SLC45A4: variants seen among roughly 807,000 people sequenced by gnomAD.
The protein encoded by SLC45A4 is polyamine-transporter SLC45A4.
Under a neutral mutation model 63.7 loss-of-function variants are expected in SLC45A4, and 32 were observed. The ratio of observed to expected loss-of-function variants is 0.50; its 90% confidence interval spans 0.38 to 0.67. SLC45A4 has a LOEUF of 0.67. Among genes scored for constraint, SLC45A4 ranks in the 30% least tolerant of loss-of-function variants. SLC45A4 has a pLI of 0.00. For synonymous variants in SLC45A4, 535 were observed against 510.0 expected, an observed-to-expected ratio of 1.05 and a Z score of -0.66; for missense variants, 1,027 against 1,157.7, an observed-to-expected ratio of 0.89 and a Z score of 1.64.
chr8:141,307,116 C>G (rs887247825), intron 1 of SLC45A4, among the ~76,000 whole-genome samples: 1 of 152,192 alleles, frequency 6.6e-6, no homozygotes, highest in Non-Finnish European at 1.5e-5. Context: ...CCCCCGCCTT[C>G]TAGAATCATT....
rs140388989 is a variant in SLC45A4, at chr8:141,234,320, A to G, written c.242-12555T>C. ...CTTTCCCTTTGGAGCCCTGGTTTCT[A>G]GAGACAGAGGCCACCTCCTCGTGGG... is the stretch of plus-strand genomic sequence containing the variant. On this transcript the variant is annotated intron_variant, in intron 2 of 8. Transcript: ENST00000517878. 1.8e-4 allele frequency among the ~76,000 whole-genome samples: 27 copies of G among 152,330 alleles called. No homozygotes were observed. The East Asian group carries it at 2.7e-3, about 15-fold the overall frequency.
intron 3 of SLC45A4, 148 bp downstream of exon 3, chr8:141,221,429 C>T (rs1826622885): frequency 7.0e-6 from 7 of 996,462 alleles, no homozygotes; most frequent in Non-Finnish European, 1.0e-5. Flanking sequence ...CAGGGGTGGT[C>T]ACCGCCAGGG....
intron 1 of SLC45A4, among the ~76,000 whole-genome samples, chr8:141,301,446 G>A (rs1830739421): frequency 6.6e-6 from 1 of 152,064 alleles, no homozygotes; most frequent in Admixed American, 6.6e-5. Flanking sequence ...AGAGAAGTAT[G>A]GAGAACAGTC....
chr8:141,256,832 ATTTTTTC>A lies in SLC45A4; in HGVS notation c.-400-2210_-400-2204del. 1 of 321,814 alleles carries A rather than the reference ATTTTTTC, an allele frequency of 3.1e-6. No homozygotes were observed. The highest frequency in any genetic ancestry group is 6.2e-6 in the Non-Finnish European group (1 of 160,308). The allele number at this position is 321,814 out of a possible 1,614,324, so 19.9% of individuals were successfully genotyped here. ...TTCCAAACTGTCACCTTACTGCAATATTTTTTCAAAAAACTGTGTAATGAAACTTTTT... is the reference window on the plus strand; with the variant it reads ...TTCCAAACTGTCACCTTACTGCAATAAAAAAACTGTGTAATGAAACTTTTT... On this transcript the variant is annotated intron_variant, in intron 1 of 8. Transcript: ENST00000517878. This position sits in a 1 kb window ranked among gnomAD's most constrained non-coding sequence, Gnocchi z 4.3.
intron 1 of SLC45A4, among the ~76,000 whole-genome samples, chr8:141,300,052 T>C (rs1830691917): frequency 6.6e-6 from 1 of 152,180 alleles, no homozygotes; most frequent in Non-Finnish European, 1.5e-5. Flanking sequence ...ATGAAGGCAC[T>C]GGCCCCATGA....
At chr8:141,247,065 A>G (rs1183120502) in intron 2 of SLC45A4, among the ~76,000 whole-genome samples, 1 of 152,244 alleles carries the variant, frequency 6.6e-6, no homozygotes, top group Non-Finnish European at 1.5e-5. Context: ...ACAACAGAGG[A>G]AAAAACCGAA....
chr8:141,242,496 A>G (rs1030315487), intron 2 of SLC45A4, among the ~76,000 whole-genome samples: 1 of 152,204 alleles, frequency 6.6e-6, no homozygotes, highest in African/African-American at 2.4e-5. Flanking sequence ...CCAGTATCAG[A>G]AAGAACACCA....
rs571236466 is a variant in SLC45A4 at position 141,218,134 on chromosome 8, C to T, written c.1506G>A (p.Leu502=). ...GCCGCATCAGCTCCCTGGGCATCTTCAGCATGGAGAGCCACAGCAGGCGCA... is the reference window on the plus strand; with the variant it reads ...GCCGCATCAGCTCCCTGGGCATCTTTAGCATGGAGAGCCACAGCAGGCGCA... The part of the protein sequence containing the change: ...TTVRLLWLSM[L]KMPRELMRLC... The change falls in exon 5 of 9, where the codon CTG becomes CTA. Residue 502 remains leucine (L), a synonymous_variant. Coordinates refer to ENST00000517878, the MANE Select transcript of SLC45A4 (RefSeq NM_001286646.2). 1,365 of 1,611,532 alleles carry T rather than the reference C, an allele frequency of 8.5e-4. 27 individuals carry two copies. In the South Asian group the frequency reaches 0.014, roughly 17 times the overall value.
Position 141,295,585 on chromosome 8 carries a change from C to T in SLC45A4, c.-401+12511G>A, listed in dbSNP as rs574411601. On this transcript the variant is annotated intron_variant, in intron 1 of 8. Transcript: ENST00000517878. Reference sequence around the variant, plus strand: ...CAAAGAAGCTGGTCTGGAACACCCACTTCCACAACACAGCACCCAGGGGGA... The same window carrying T: ...CAAAGAAGCTGGTCTGGAACACCCATTTCCACAACACAGCACCCAGGGGGA... Among the ~76,000 whole-genome samples the T allele has an allele frequency of 9.2e-5, 14 of 152,336 alleles. No homozygotes were observed. The South Asian group carries it at 2.7e-3, about 29-fold the overall frequency.
In SLC45A4 at chr8:141,256,814, CTG is replaced by C. The variant is rs1414644988; in HGVS notation, c.-400-2187_-400-2186del. On this transcript the variant is annotated intron_variant, in intron 1 of 8. Coordinates refer to ENST00000517878, the MANE Select transcript of SLC45A4 (RefSeq NM_001286646.2). The surrounding 1 kb of genome is among the most constrained non-coding windows in gnomAD (Gnocchi z 4.3). ...CTCAATTAAAACAAGAGTTTCCAAA[CTG>C]TCACCTTACTGCAATATTTTTTCAA... 2 of 343,840 alleles carry C rather than the reference CTG, an allele frequency of 5.8e-6. No individual in the cohort carries two copies. The highest frequency in any genetic ancestry group is 4.3e-5 in the African/African-American group (2 of 46,430). 21.3% of individuals were successfully genotyped at this position (343,840 alleles called of 1,614,324 possible).
At chr8:141,283,135 C>CA (rs1254279699) in intron 1 of SLC45A4, among the ~76,000 whole-genome samples, 1 of 152,274 alleles carries the variant, frequency 6.6e-6, no homozygotes, top group Non-Finnish European at 1.5e-5. Context: ...TTTGTCACAT[C>CA]ACTGCTTCTC....
rs370154722 is a variant in SLC45A4 at position 141,216,010 on chromosome 8, G to A, written c.1730-40C>T. On this transcript the variant is annotated intron_variant, in intron 6 of 8. Coordinates refer to ENST00000517878, the MANE Select transcript of SLC45A4 (RefSeq NM_001286646.2). ...ACAGGGACAAGGACAGTGGGCAGGC[G>A]GCTGGCTCCTGTCGGGCTCCCTCCA... 1.3e-4 allele frequency: 208 copies of A among 1,573,818 alleles called. 1 individual carries two copies. Among genetic ancestry groups the A allele is most frequent in the African/African-American group, 4.0e-5 (3 of 74,168 alleles).
chr8:141,277,180 A>G (rs1196798910), intron 1 of SLC45A4, among the ~76,000 whole-genome samples: 1 of 152,258 alleles, frequency 6.6e-6, no homozygotes, highest in Non-Finnish European at 1.5e-5. Flanking sequence ...ACATGTGGAC[A>G]GACATCGTTT....
At chr8:141,264,273 G>A (rs1829168487) in intron 1 of SLC45A4, among the ~76,000 whole-genome samples, 1 of 152,158 alleles carries the variant, frequency 6.6e-6, no homozygotes, top group Non-Finnish European at 1.5e-5. Flanking sequence ...CCCTCTGGGT[G>A]TTGCAGTATG....
At chr8:141,241,445 G>A (rs1322879964) in intron 2 of SLC45A4, among the ~76,000 whole-genome samples, 5 of 152,336 alleles carry the variant, frequency 3.3e-5, no homozygotes, top group East Asian at 1.9e-4. Flanking sequence ...AGGAGTGGAC[G>A]GAAACCTCGC....
intron 2 of SLC45A4, among the ~76,000 whole-genome samples, chr8:141,222,662 A>T (rs1237115080): frequency 6.6e-6 from 1 of 152,246 alleles, no homozygotes; most frequent in African/African-American, 2.4e-5. Flanking sequence ...GCACCACAGC[A>T]CGGGAACGAG....
chr8:141,221,784 C>T lies in SLC45A4; in HGVS notation c.242-19G>A. On this transcript the variant is annotated intron_variant, in intron 2 of 8. Transcript: ENST00000517878. ...GGAAGGCCTGCAAGGGACACGAGGGCCGTCGCACACGCAGGCACTGGCCGG... is the reference window on the plus strand; with the variant it reads ...GGAAGGCCTGCAAGGGACACGAGGGTCGTCGCACACGCAGGCACTGGCCGG... The T allele has an allele frequency of 6.2e-7, 1 of 1,605,866 alleles. No homozygotes were observed. The highest frequency in any genetic ancestry group is 1.1e-5 in the South Asian group (1 of 90,812).
chr8:141,211,093 C>T lies in SLC45A4; in HGVS notation c.*479G>A, dbSNP rs114912305. 4.1e-4 allele frequency: 87 copies of T among 210,248 alleles called. 2 individuals carry two copies. The highest frequency in any genetic ancestry group is 1.8e-3 in the African/African-American group (81 of 43,828). 13.0% of individuals were successfully genotyped at this position (210,248 alleles called of 1,614,324 possible). A position where few individuals can be genotyped will look rare whatever the true frequency, so the allele number is the denominator to read the frequency against. The stretch of plus-strand genomic sequence containing the variant: ...CAGGTTCCAGCACGCATGTCCCCTT[C>T]GCAAGCGGGGGAGGCCCTCGCACAT... On this transcript the variant is annotated 3_prime_UTR_variant, in exon 9 of 9. Coordinates refer to ENST00000517878, the MANE Select transcript of SLC45A4 (RefSeq NM_001286646.2).
In SLC45A4 at chr8:141,219,045, C is replaced by T. The variant is rs1055424531; in HGVS notation, c.611-16G>A. 12 of 1,598,586 alleles carry T rather than the reference C, an allele frequency of 7.5e-6. No homozygotes were observed. Among genetic ancestry groups the T allele is most frequent in the African/African-American group, 6.7e-5 (5 of 74,642 alleles). On this transcript the variant is annotated splice_polypyrimidine_tract_variant and intron_variant, in intron 4 of 8. Coordinates refer to ENST00000517878, the MANE Select transcript of SLC45A4 (RefSeq NM_001286646.2). Reference sequence around the variant, plus strand: ...CCGCCGAGGCCTGCGTGGGAGGAAGCAGCAGCCGGTGAGCCGGTGGCACCA... The same window carrying T: ...CCGCCGAGGCCTGCGTGGGAGGAAGTAGCAGCCGGTGAGCCGGTGGCACCA...
Sources: gnomAD v4.1 joint callset for allele counts (sites outside exome capture counted in the v4.1 genomes callset) on GRCh38, gnomAD v4.1.1 for gene constraint, Gnocchi (gnomAD v3.1) non-coding constraint, MANE v1.5 for transcripts, NCBI Gene and HGNC (gene_info 2026-07-23, HGNC 2026-07-21) for gene names.